MROH7: variants seen among roughly 807,000 people sequenced by gnomAD.
MROH7 encodes maestro heat-like repeat-containing protein family member 7.
In MROH7, 113 loss-of-function variants were observed where a neutral mutation model predicts 129.2. The observed-to-expected ratio is 0.87, with a 90% confidence interval of 0.75 to 1.02. MROH7 has a LOEUF of 1.02. Ranked by LOEUF, MROH7 falls within the 50% of genes least tolerant of loss-of-function variation. The probability of loss-of-function intolerance (pLI) is 0.00; values close to 1 mark genes in which losing one functional copy is unlikely to be tolerated. For missense variants in MROH7, 1,601 were observed against 1,671.3 expected (o/e 0.96, Z 0.73); for synonymous variants, 655 against 667.9 (o/e 0.98, Z 0.30).
At chr1:54,657,586 A>C (rs1032853426) in intron 3 of MROH7, among the ~76,000 whole-genome samples, 38 of 152,128 alleles carry the variant, frequency 2.5e-4, no homozygotes, top group African/African-American at 8.7e-4. Context: ...TATGTTGCCC[A>C]GGCTGGTCTT....
At chr1:54,698,682 G>C (rs186802453) in intron 17 of MROH7, 1 of 152,572 alleles carries the variant, frequency 6.6e-6, no homozygotes, top group Admixed American at 6.5e-5. Context: ...GAGAGGAGGG[G>C]GATAAGGGTG....
rs1469189135 is a variant in MROH7 at position 54,695,398 on chromosome 1, C to T, written c.2872C>T (p.Gln958Ter). 1.9e-6 allele frequency: 3 copies of T among 1,612,806 alleles called. No homozygotes were observed. Among genetic ancestry groups the T allele is most frequent in the East Asian group, 4.5e-5 (2 of 44,820 alleles). ...LARAMVQYSC[Q>*]ELCRILYLLI... Reference sequence around the variant, plus strand: ...CAGGGCCATGGTGCAGTACTCCTGCCAGGAGCTGTGCCGCATCCTCTACCT... The same window carrying T: ...CAGGGCCATGGTGCAGTACTCCTGCTAGGAGCTGTGCCGCATCCTCTACCT... The change falls in exon 17 of 24, where the codon CAG (glutamine) becomes TAG (stop). Residue 958 changes from glutamine (Q) to a stop codon, truncating the protein, a stop_gained. Coordinates refer to ENST00000421030, the MANE Select transcript of MROH7 (RefSeq NM_001039464.4). LOFTEE classifies it high-confidence loss of function.
At chr1:54,642,396 A>G (rs934551022) in intron 1 of MROH7, among the ~76,000 whole-genome samples, 18 of 152,210 alleles carry the variant, frequency 1.2e-4, no homozygotes, top group African/African-American at 4.3e-4. Context: ...TTGGCATTAT[A>G]GCTGGGTATC....
chr1:54,702,204 C>T lies in MROH7; in HGVS notation c.3400C>T (p.Leu1134=). Residue 1134 remains leucine (L), a synonymous_variant, in exon 20 of 24, where the codon CTA becomes TTA. Coordinates refer to ENST00000421030, the MANE Select transcript of MROH7 (RefSeq NM_001039464.4). The part of the protein sequence containing the change: ...EEQLVSTLVP[L]LLTMQEGNSK... ...GCAGCTGGTCAGCACCTTGGTGCCC[C>T]TACTGCTGACCATGCAGGAGGGCAA... 6.3e-7 allele frequency: 1 copy of T among 1,590,136 alleles called. No homozygotes were observed. Among genetic ancestry groups the T allele is most frequent in the Non-Finnish European group, 8.6e-7 (1 of 1,169,016 alleles).
intron 14 of MROH7, among the ~76,000 whole-genome samples, chr1:54,684,472 T>A (rs942705992): frequency 2.0e-5 from 3 of 152,272 alleles, no homozygotes; most frequent in Non-Finnish European, 4.4e-5. Flanking sequence ...TGTTAGTGTA[T>A]TCTTTAGTCA....
chr1:54,671,989 G>A (rs2101111059), intron 7 of MROH7, among the ~76,000 whole-genome samples: 1 of 152,218 alleles, frequency 6.6e-6, no homozygotes, highest in South Asian at 2.1e-4. Flanking sequence ...AGAGGTTAAA[G>A]AAGAGCTAAT....
At chr1:54,643,565 C>T (rs1178338343) in intron 1 of MROH7, among the ~76,000 whole-genome samples, 6 of 152,218 alleles carry the variant, frequency 3.9e-5, no homozygotes, top group East Asian at 1.9e-4. Context: ...ATGCAAAAGT[C>T]GCTTAGGAGA....
chr1:54,702,327 G>A, intron 20 of MROH7, 82 bp downstream of exon 20: 1 of 1,240,510 alleles, frequency 8.1e-7, no homozygotes, highest in South Asian at 2.1e-5. Context: ...CCAAGCCAGA[G>A]TCTCAAACAA....
chr1:54,658,422 T>G (rs1644681217), intron 3 of MROH7, among the ~76,000 whole-genome samples: 1 of 152,202 alleles, frequency 6.6e-6, no homozygotes, highest in African/African-American at 2.4e-5. Flanking sequence ...GTCCTCCAGC[T>G]TTGTTCTTCT....
At chr1:54,680,674 G>A (rs1645055496) in intron 13 of MROH7, among the ~76,000 whole-genome samples, 1 of 152,220 alleles carries the variant, frequency 6.6e-6, no homozygotes, top group African/African-American at 2.4e-5. Context: ...GTGGGCAGGA[G>A]AGGTCAGTCT....
intron 16 of MROH7, among the ~76,000 whole-genome samples, chr1:54,694,623 C>G (rs1050588109): frequency 4.6e-5 from 7 of 152,174 alleles, no homozygotes; most frequent in Non-Finnish European, 1.0e-4. Flanking sequence ...TGCGCCACCA[C>G]ACCCAGTCAA....
intron 14 of MROH7, 96 bp downstream of exon 14, chr1:54,682,890 G>T: frequency 7.3e-7 from 1 of 1,370,968 alleles, no homozygotes; most frequent in Non-Finnish European, 9.9e-7. Context: ...CTCGAGTACC[G>T]CACTCTGCCA....
At chr1:54,704,293 G>A (rs1398055880) in intron 21 of MROH7, among the ~76,000 whole-genome samples, 3 of 152,162 alleles carry the variant, frequency 2.0e-5, no homozygotes, top group Non-Finnish European at 2.9e-5. Context: ...ATAATCATGA[G>A]TGGTGTGGAA....
intron 1 of MROH7, among the ~76,000 whole-genome samples, chr1:54,642,709 C>T (rs1366441219): frequency 3.3e-5 from 5 of 152,106 alleles, no homozygotes; most frequent in African/African-American, 4.8e-5. Context: ...TCAACCTCCC[C>T]GGCTCCAGTG....
chr1:54,673,895 G>A, intron 9 of MROH7, 90 bp downstream of exon 9: 11 of 1,516,056 alleles, frequency 7.3e-6, no homozygotes, highest in South Asian at 1.2e-5. Flanking sequence ...ATTCCCAGGT[G>A]GCTCTTGCCA....
chr1:54,686,118 G>T, intron 14 of MROH7, 140 bp from the exon 15 acceptor site: 1 of 674,778 alleles, frequency 1.5e-6, no homozygotes, highest in Non-Finnish European at 2.4e-6. Flanking sequence ...CTGGGGGGTG[G>T]GGAATCCCAG....
chr1:54,681,296 T>C (rs1213419585), intron 13 of MROH7, among the ~76,000 whole-genome samples: 1 of 152,148 alleles, frequency 6.6e-6, no homozygotes, highest in Non-Finnish European at 1.5e-5. Flanking sequence ...AGGAGACCTA[T>C]AGGGTGGATA....
chr1:54,688,319 A>T (rs901548632), intron 15 of MROH7, among the ~76,000 whole-genome samples: 6 of 151,698 alleles, frequency 4.0e-5, no homozygotes, highest in African/African-American at 1.5e-4. Context: ...TGATCCTCCA[A>T]CCTTGGCCTC....
At chr1:54,699,106 C>CT (rs1645373946) in intron 17 of MROH7, 1 of 62,042 alleles carries the variant, frequency 1.6e-5, no homozygotes, top group South Asian at 6.4e-4. Context: ...TTCTTTCTTT[C>CT]TTTCTTTCTT....
Sources: allele counts gnomAD v4.1 joint callset (sites outside exome capture counted in the v4.1 genomes callset), GRCh38; gene constraint gnomAD v4.1.1; transcripts MANE v1.5; gene names NCBI Gene and HGNC (gene_info 2026-07-23, HGNC 2026-07-21).